Variants in CHD7 observed in about 807,000 individuals in gnomAD.
The protein encoded by CHD7 is ATP-dependent chromatin remodeler CHD7.
CHD7 carries 24 observed loss-of-function variants against 307.3 expected under a neutral mutation model. The ratio of observed to expected loss-of-function variants is 0.08; its 90% CI spans 0.06 to 0.11. The LOEUF (loss-of-function observed/expected upper bound fraction) is 0.11, where lower values mean the gene tolerates loss of function less well. Among genes scored for constraint, CHD7 ranks in the 10% least tolerant of loss-of-function variants. CHD7 has a pLI of 1.00. For synonymous variants in CHD7, 1,363 were observed against 1,349.9 expected, an observed-to-expected ratio of 1.01 and a Z score of -0.21; for missense variants, 3,106 against 3,727.1, an observed-to-expected ratio of 0.83 and a Z score of 4.34.
chr8:60,680,522 C>G (rs1805567030), intron 1 of CHD7, among the ~76,000 whole-genome samples: 1 of 151,962 alleles, frequency 6.6e-6, no homozygotes, highest in Non-Finnish European at 1.5e-5. Context: ...CGCCTTTCTC[C>G]GGATGGCTCT....
intron 1 of CHD7, among the ~76,000 whole-genome samples, chr8:60,714,291 C>T (rs1807448822): frequency 6.6e-6 from 1 of 151,974 alleles, no homozygotes; most frequent in Non-Finnish European, 1.5e-5. Flanking sequence ...CCCACCCACT[C>T]GGGGCGCTCG....
intron 7 of CHD7, among the ~76,000 whole-genome samples, chr8:60,811,850 T>C (rs753012321): frequency 3.3e-5 from 5 of 152,194 alleles, no homozygotes; most frequent in Non-Finnish European, 7.3e-5. Flanking sequence ...TAGTGTGCTG[T>C]TTTACTTTTT....
intron 6 of CHD7, among the ~76,000 whole-genome samples, chr8:60,807,536 T>C (rs1812594165): frequency 6.6e-6 from 1 of 152,232 alleles, no homozygotes; most frequent in Admixed American, 6.5e-5. Context: ...AACTCTTGAT[T>C]TGGCTGACAT....
chr8:60,817,340 C>A (rs1392287797), intron 8 of CHD7, among the ~76,000 whole-genome samples: 1 of 152,208 alleles, frequency 6.6e-6, no homozygotes, highest in Non-Finnish European at 1.5e-5. Flanking sequence ...TGTTTAACAA[C>A]CTACTTTGTA....
At chr8:60,697,848 C>T (rs184473616) in intron 1 of CHD7, among the ~76,000 whole-genome samples, 1 of 152,342 alleles carries the variant, frequency 6.6e-6, no homozygotes, top group Non-Finnish European at 1.5e-5. Context: ...GGTGCCACCT[C>T]TGATCTTGCT....
At chr8:60,679,404 C>T (rs1472379436) in intron 1 of CHD7, among the ~76,000 whole-genome samples, 8 of 116,148 alleles carry the variant, frequency 6.9e-5, no homozygotes, top group African/African-American at 2.2e-4. Flanking sequence ...GTCACTTCCT[C>T]GCATGTAAAT....
At chr8:60,774,056 C>T (rs185561272) in intron 2 of CHD7, among the ~76,000 whole-genome samples, 1 of 152,310 alleles carries the variant, frequency 6.6e-6, no homozygotes, top group Non-Finnish European at 1.5e-5. Context: ...CAGCAGTCTA[C>T]TCCCTAGGCT....
At chr8:60,777,737 C>T (rs1236805854) in intron 2 of CHD7, among the ~76,000 whole-genome samples, 1 of 152,120 alleles carries the variant, frequency 6.6e-6, no homozygotes, top group African/African-American at 2.4e-5. Context: ...GTAATGTTTT[C>T]AACAAAACAC....
intron 2 of CHD7, among the ~76,000 whole-genome samples, chr8:60,767,774 C>T (rs368009080): frequency 4.6e-5 from 7 of 152,170 alleles, no homozygotes; most frequent in East Asian, 3.8e-4. Context: ...CCTCTCTCTT[C>T]GTGGTTTGTT....
chr8:60,706,811 T>C (rs1807042806), intron 1 of CHD7, among the ~76,000 whole-genome samples: 1 of 152,092 alleles, frequency 6.6e-6, no homozygotes, highest in Non-Finnish European at 1.5e-5. Context: ...TACAAAGATC[T>C]TTTTAAAATA....
chr8:60,680,486 G>A (rs1384063162), intron 1 of CHD7, among the ~76,000 whole-genome samples: 6 of 151,214 alleles, frequency 4.0e-5, no homozygotes, highest in Non-Finnish European at 8.9e-5. Flanking sequence ...GGAGCCGCCG[G>A]CCCCGAGCAG....
chr8:60,853,056 C>T lies in CHD7; in HGVS notation c.6331C>T (p.Arg2111Trp). 1.2e-6 allele frequency: 2 copies of T among 1,613,912 alleles called. No individual in the cohort carries two copies. The highest frequency in any genetic ancestry group is 1.7e-6 in the Non-Finnish European group (2 of 1,179,872). Residue 2111 changes from arginine to tryptophan, a missense_variant, in exon 31 of 38, where the codon CGG becomes TGG. Physicochemically the swap from Arg to Trp is moderately radical, Grantham distance 101. Transcript: ENST00000423902. ...TGGTGCTGCTAAACACGGGGTCAGT[C>T]GGACGGATTATCACATCCTCAATGA... Reference protein sequence around the residue: ...LVGAAKHGVSRTDYHILNDPE... With the variant: ...LVGAAKHGVSWTDYHILNDPE...
chr8:60,815,605 T>C (rs948757766), intron 7 of CHD7, among the ~76,000 whole-genome samples: 1 of 152,084 alleles, frequency 6.6e-6, no homozygotes, highest in African/African-American at 2.4e-5. Context: ...GAAGACACCA[T>C]GCATACTCAG....
intron 37 of CHD7, chr8:60,863,927 A>G (rs1806125066): frequency 6.6e-6 from 1 of 151,316 alleles, no homozygotes; most frequent in Non-Finnish European, 1.5e-5. Context: ...TAGAGAAGGC[A>G]TTTTGCCACG....
intron 21 of CHD7, among the ~76,000 whole-genome samples, chr8:60,843,407 A>G (rs4307377): frequency 0.77 from 117,040 of 152,206 alleles, 45,223 homozygotes; most frequent in East Asian, 0.94. Context: ...TGGAACACAT[A>G]AATAACTCCT....
chr8:60,861,070 T>C lies in CHD7; in HGVS notation c.7775T>C (p.Val2592Ala), dbSNP rs754831330. Residue 2592 changes from valine to alanine, a missense_variant, in exon 35 of 38, where the codon GTT becomes GCT. Around this residue, in one of 10 missense-constraint regions of CHD7, gnomAD observed 1,030 missense variants for 1,165.4 expected, o/e 0.88. Transcript: ENST00000423902. ...GEDAPKNKDL[V>A]EWLKLHPTYT... is the part of the protein sequence containing the mutation. ...GATGCTCCTAAAAATAAGGATTTAG[T>C]TGAATGGCTGAAGCTGCACCCTACT... The C allele has an allele frequency of 2.5e-6, 4 of 1,612,850 alleles. No individual in the cohort carries two copies. The Admixed American group carries it at 6.7e-5, about 27-fold the overall frequency.
In CHD7 at chr8:60,828,985, T is replaced by C. The variant is rs1804378787; in HGVS notation, c.3522+179T>C. On this transcript the variant is annotated intron_variant, in intron 14 of 37. Coordinates refer to ENST00000423902, the MANE Select transcript of CHD7 (RefSeq NM_017780.4). ...TCATCATCATAAAGGTTTTCTTCTT[T>C]ATTTGTTTGTCTTTTTGCTCTTGTG... is the stretch of plus-strand genomic sequence containing the variant. Among the ~76,000 whole-genome samples the C allele has an allele frequency of 3.9e-5, 6 of 152,202 alleles. No homozygotes were observed. The South Asian group carries it at 1.0e-3, about 26-fold the overall frequency.
At chr8:60,713,345 C>T (rs759449555) in intron 1 of CHD7, among the ~76,000 whole-genome samples, 3 of 151,934 alleles carry the variant, frequency 2.0e-5, no homozygotes, top group Non-Finnish European at 4.4e-5. Context: ...CTCCTTACCT[C>T]GTGACCCGCC....
Position 60,865,803 on chromosome 8 carries a change from G to T in CHD7, c.8864G>T (p.Gly2955Val), listed in dbSNP as rs1001934196. ...TTTAAAGATGGAGAGACCCTTGAAG[G>T]CAGCGATGCCGAGGAGAGCCTGGAT... ...GPFKDGETLE[G>V]SDAEESLDKT... Residue 2955 changes from glycine to valine, a missense_variant, in exon 38 of 38, where the codon GGC becomes GTC. Gly to Val is a moderately radical substitution (Grantham distance 109, BLOSUM62 -3). Transcript: ENST00000423902. This position sits in a 1 kb window ranked among gnomAD's most constrained non-coding sequence, Gnocchi z 4.3. 6.2e-7 allele frequency: 1 copy of T among 1,614,020 alleles called. No homozygotes were observed. The highest frequency in any genetic ancestry group is 1.1e-5 in the South Asian group (1 of 91,074).
Sources: gnomAD v4.1 joint callset for allele counts (sites outside exome capture counted in the v4.1 genomes callset) on GRCh38, gnomAD v4.1.1 for gene constraint, gnomAD v4.1.1 regional missense constraint, Gnocchi (gnomAD v3.1) non-coding constraint, MANE v1.5 for transcripts, NCBI Gene and HGNC (gene_info 2026-07-23, HGNC 2026-07-21) for gene names.